The following GRHL2 variants were observed in gnomAD, a reference collection of about 807,000 sequenced individuals.
GRHL2 encodes grainyhead-like protein 2 homolog.
A neutral mutation model predicts 83.8 loss-of-function variants in GRHL2; 21 were observed. That is an observed-to-expected ratio of 0.25 (90% CI 0.18 to 0.36). The LOEUF is 0.36. GRHL2 is among the 10% of genes least tolerant of loss of function. GRHL2 has a pLI of 1.00. For synonymous variants in GRHL2, 280 were observed against 278.9 expected (o/e 1.00, Z -0.04); for missense variants, 623 against 781.8 (o/e 0.80, Z 2.42).
At chr8:101,599,246 T>A in intron 8 of GRHL2, 95 bp downstream of exon 8, 1 of 826,860 alleles carries the variant, frequency 1.2e-6, no homozygotes, top group Non-Finnish European at 2.1e-6. Flanking sequence ...AGCCTCCTAT[T>A]AAAAAGAAAT....
intron 8 of GRHL2, among the ~76,000 whole-genome samples, chr8:101,602,338 C>CCA (rs1812534308): frequency 1.3e-5 from 2 of 152,186 alleles, no homozygotes; most frequent in African/African-American, 4.8e-5. Context: ...ATGTTGTGGA[C>CCA]TTATCTATCA....
At position 101,573,563 on chromosome 8, in the gene GRHL2, T is replaced by C. The variant is rs1460646470; in HGVS notation, c.735-105T>C. On this transcript the variant is annotated intron_variant, in intron 5 of 15. Coordinates refer to ENST00000646743, the MANE Select transcript of GRHL2 (RefSeq NM_024915.4). The stretch of plus-strand genomic sequence containing the variant: ...ATGCTGTGTTTTGTCTCTAAAACAG[T>C]AAACATTGGTTAATGTTCATGTGAA... 3 of 1,396,144 alleles carry C rather than the reference T, an allele frequency of 2.1e-6. No individual in the cohort carries two copies. In the African/African-American group the frequency reaches 4.2e-5, roughly 20 times the overall value. 86.5% of individuals were successfully genotyped at this position (1,396,144 alleles called of 1,614,324 possible).
chr8:101,655,053 A>T (rs375823840), intron 14 of GRHL2, among the ~76,000 whole-genome samples: 1 of 152,186 alleles, frequency 6.6e-6, no homozygotes, highest in Admixed American at 6.5e-5. Flanking sequence ...GTGGTGGTGC[A>T]TGCCTGTAAT....
chr8:101,544,899 G>A (rs1016177320), intron 2 of GRHL2, among the ~76,000 whole-genome samples: 6 of 152,094 alleles, frequency 3.9e-5, no homozygotes, highest in Non-Finnish European at 8.8e-5. Flanking sequence ...CAGTTCTCAT[G>A]CTTTCAAAAA....
At chr8:101,597,060 C>T (rs555956017) in intron 7 of GRHL2, among the ~76,000 whole-genome samples, 13 of 152,214 alleles carry the variant, frequency 8.5e-5, no homozygotes, top group African/African-American at 3.1e-4. Context: ...GGAATGCTGC[C>T]TTGTGCTCAT....
At chr8:101,643,915 G>T (rs563965694) in intron 12 of GRHL2, among the ~76,000 whole-genome samples, 1 of 152,242 alleles carries the variant, frequency 6.6e-6, no homozygotes, top group Non-Finnish European at 1.5e-5. Flanking sequence ...TGGGAAGCAC[G>T]TGTTAAGTCC....
At chr8:101,674,810 T>C in the GRHL2 span, among the ~76,000 whole-genome samples, 2 of 152,042 alleles carry the variant, frequency 1.3e-5, no homozygotes, top group Non-Finnish European at 2.9e-5. Flanking sequence ...AAATCCTCAA[T>C]AAAATACTGG....
chr8:101,492,575 C>A lies in GRHL2; in HGVS notation c.-195C>A. On this transcript the variant is annotated 5_prime_UTR_variant, in exon 1 of 16. Coordinates refer to ENST00000646743, the MANE Select transcript of GRHL2 (RefSeq NM_024915.4). ...TGTGAGGGGCCCCCCCTTATCCCAC[C>A]TTTCCGGCTAGGTGAGGGCGCGAGC... The A allele has an allele frequency of 1.5e-6, 1 of 684,142 alleles. No individual in the cohort carries two copies. Among genetic ancestry groups the A allele is most frequent in the Non-Finnish European group, 2.7e-6 (1 of 370,512 alleles). 42.4% of individuals were successfully genotyped at this position (684,142 alleles called of 1,614,324 possible). A position where few individuals can be genotyped will look rare whatever the true frequency, so the allele number is the denominator to read the frequency against.
At chr8:101,609,324 G>A (rs972963059) in intron 8 of GRHL2, among the ~76,000 whole-genome samples, 1 of 137,002 alleles carries the variant, frequency 7.3e-6, no homozygotes, top group African/African-American at 3.2e-5. Flanking sequence ...TGCTGACTTC[G>A]TAGATTGTTA....
intron 1 of GRHL2, 179 bp downstream of exon 1, chr8:101,492,968 A>C (rs1586386817): frequency 1.5e-6 from 1 of 656,798 alleles, no homozygotes. Context: ...AAGGGGAGAA[A>C]CCCTACAACA....
intron 13 of GRHL2, among the ~76,000 whole-genome samples, chr8:101,648,835 A>G (rs1327399214): frequency 1.3e-5 from 2 of 152,148 alleles, no homozygotes; most frequent in Non-Finnish European, 2.9e-5. Context: ...CTCTCCTTCA[A>G]GGGACCCTTC....
In GRHL2 at chr8:101,641,316, A is replaced by G. The variant is rs138313667; in HGVS notation, c.1518-2815A>G. On this transcript the variant is annotated intron_variant, in intron 12 of 15. Transcript: ENST00000646743. ...TAAGATGACCTGTTTTCTGAGGATA[A>G]CATGGGCAAGGGACTTCCATTTAGG... 1.8e-4 allele frequency among the ~76,000 whole-genome samples: 27 copies of G among 152,250 alleles called. No homozygotes were observed. In the South Asian group the frequency reaches 3.1e-3, roughly 18 times the overall value.
chr8:101,500,527 A>G (rs1810205505), intron 1 of GRHL2, among the ~76,000 whole-genome samples: 1 of 151,902 alleles, frequency 6.6e-6, no homozygotes, highest in Non-Finnish European at 1.5e-5. Context: ...TATTTTTTTG[A>G]GTTGGAGTTT....
At position 101,601,189 on chromosome 8, in the gene GRHL2, C is replaced by CACA. The variant is rs57471873; in HGVS notation, c.1098+2038_1098+2039insACA. On this transcript the variant is annotated intron_variant, in intron 8 of 15. Transcript: ENST00000646743. ...ACACACACACACACACACACACACACCCCACCACCACCACCACCACCACCA... is the reference window on the plus strand; with the variant it reads ...ACACACACACACACACACACACACACACACCCACCACCACCACCACCACCACCA... Among the ~76,000 whole-genome samples, 216 of 149,860 alleles carry CACA rather than the reference C, an allele frequency of 1.4e-3. 1 individual carries two copies. The East Asian group carries it at 0.028, about 20-fold the overall frequency.
At chr8:101,578,632 C>T (rs1811982379) in intron 7 of GRHL2, among the ~76,000 whole-genome samples, 1 of 152,340 alleles carries the variant, frequency 6.6e-6, no homozygotes, top group African/African-American at 2.4e-5. Flanking sequence ...CATTTGTAGA[C>T]TTCATTACCC....
chr8:101,613,592 G>A lies in GRHL2; in HGVS notation c.1099-5947G>A, dbSNP rs779659855. Among the ~76,000 whole-genome samples, 30 of 150,932 alleles carry A rather than the reference G, an allele frequency of 2.0e-4. 2 individuals carry two copies. Among genetic ancestry groups the A allele is most frequent in the Non-Finnish European group, 2.2e-4 (15 of 68,004 alleles). ...ATTGTCTACTTTTAGTCTATCTTCC[G>A]TCTCAATTTGGCATTGCATCTGCAC... On this transcript the variant is annotated intron_variant, in intron 8 of 15. Coordinates refer to ENST00000646743, the MANE Select transcript of GRHL2 (RefSeq NM_024915.4).
intron 15 of GRHL2, 149 bp downstream of exon 15, chr8:101,664,667 T>G: frequency 1.5e-6 from 1 of 667,446 alleles, no homozygotes; most frequent in Admixed American, 2.2e-5. Context: ...CAGAGGAGAT[T>G]GCATTTGGAA....
At chr8:101,649,587 T>C in intron 14 of GRHL2, 88 bp downstream of exon 14, 1 of 963,154 alleles carries the variant, frequency 1.0e-6, no homozygotes, top group Non-Finnish European at 1.7e-6. Context: ...GCCACCGAGA[T>C]GGCTTCAGAA....
chr8:101,675,322 C>T, the GRHL2 span, among the ~76,000 whole-genome samples: 1 of 152,068 alleles, frequency 6.6e-6, no homozygotes, highest in Non-Finnish European at 1.5e-5. Context: ...ATCGTCTCAG[C>T]TCAAAATCTC....
Sources: allele counts gnomAD v4.1 joint callset (sites outside exome capture counted in the v4.1 genomes callset), GRCh38; gene constraint gnomAD v4.1.1; transcripts MANE v1.5; gene names NCBI Gene and HGNC (gene_info 2026-07-23, HGNC 2026-07-21).